The following TMEM132D variants were observed in gnomAD, a reference collection of about 807,000 sequenced individuals.
TMEM132D encodes mature OL transmembrane protein.
Under a neutral mutation model 62.3 loss-of-function variants are expected in TMEM132D, and 21 were observed. That is an observed-to-expected ratio of 0.34 (90% CI 0.24 to 0.49). The LOEUF (loss-of-function observed/expected upper bound fraction) is 0.49, where lower values mean the gene tolerates loss of function less well. Among genes scored for constraint, TMEM132D ranks in the 20% least tolerant of loss-of-function variants. TMEM132D has a pLI of 0.99. For synonymous variants in TMEM132D, 621 were observed against 575.6 expected (o/e 1.08, Z -1.13); for missense variants, 1,346 against 1,402.8 (o/e 0.96, Z 0.65).
intron 1 of TMEM132D, among the ~76,000 whole-genome samples, chr12:129,838,933 G>A (rs1394318935): frequency 1.3e-5 from 2 of 150,244 alleles, no homozygotes; most frequent in Non-Finnish European, 3.0e-5. Context: ...TTAAGAATAG[G>A]AACTTTTAAA....
intron 3 of TMEM132D, among the ~76,000 whole-genome samples, chr12:129,350,809 C>G (rs900838941): frequency 6.6e-6 from 1 of 152,324 alleles, no homozygotes; most frequent in Middle Eastern, 3.4e-3. Context: ...CATAGCCACA[C>G]GGGCCTTAGC....
intron 4 of TMEM132D, among the ~76,000 whole-genome samples, chr12:129,252,025 C>T (rs1452387302): frequency 6.6e-6 from 1 of 152,120 alleles, no homozygotes; most frequent in Non-Finnish European, 1.5e-5. Context: ...TGAGACATTG[C>T]ATTTGGGGAC....
At chr12:129,886,170 T>C (rs1490526223) in intron 1 of TMEM132D, among the ~76,000 whole-genome samples, 1 of 152,242 alleles carries the variant, frequency 6.6e-6, no homozygotes, top group African/African-American at 2.4e-5. Flanking sequence ...CCTTTTAAGA[T>C]AAAAAGTATT....
At chr12:129,222,577 C>T (rs572923393) in intron 4 of TMEM132D, among the ~76,000 whole-genome samples, 1 of 152,268 alleles carries the variant, frequency 6.6e-6, no homozygotes, top group East Asian at 1.9e-4. Context: ...TCTCCTTTCT[C>T]AGGCAATATG....
intron 3 of TMEM132D, among the ~76,000 whole-genome samples, chr12:129,510,142 C>G (rs1042968661): frequency 1.3e-5 from 2 of 152,036 alleles, no homozygotes; most frequent in Admixed American, 1.3e-4. Context: ...ATTATTGCCT[C>G]TCTTTGGGAT....
At chr12:129,484,699 T>A (rs1874531877) in intron 3 of TMEM132D, among the ~76,000 whole-genome samples, 1 of 152,242 alleles carries the variant, frequency 6.6e-6, no homozygotes, top group South Asian at 2.1e-4. Flanking sequence ...AGAGGCAGTT[T>A]AGCCTTCTCA....
At chr12:129,478,011 C>A (rs1315594535) in intron 3 of TMEM132D, among the ~76,000 whole-genome samples, 1 of 152,126 alleles carries the variant, frequency 6.6e-6, no homozygotes, top group Non-Finnish European at 1.5e-5. Flanking sequence ...TACCACACAC[C>A]TAGCCTATGG....
At chr12:129,640,392 G>A (rs373808533) in intron 2 of TMEM132D, among the ~76,000 whole-genome samples, 247 of 152,236 alleles carry the variant, frequency 1.6e-3, no homozygotes, top group African/African-American at 5.7e-3. Flanking sequence ...CATAAGAATG[G>A]GATGCTTCTT....
At chr12:129,690,438 T>C (rs1239348048) in intron 2 of TMEM132D, among the ~76,000 whole-genome samples, 1 of 152,158 alleles carries the variant, frequency 6.6e-6, no homozygotes, top group South Asian at 2.1e-4. Flanking sequence ...GATTTGCCTA[T>C]ATGATATTTA....
chr12:129,811,542 G>C (rs1466942273), intron 1 of TMEM132D, among the ~76,000 whole-genome samples: 1 of 151,728 alleles, frequency 6.6e-6, no homozygotes, highest in African/African-American at 2.4e-5. Flanking sequence ...CTCCAAGAAG[G>C]CTCCTGACCA....
At position 129,074,083 on chromosome 12, in the gene TMEM132D, T is replaced by G. The variant is rs1269055645; in HGVS notation, c.3092A>C (p.Lys1031Thr). ...GPIIIDGKDQ[K>T]SEPPTSPTSK... The stretch of plus-strand genomic sequence containing the variant: ...GGTAGGGGATGTTGGGGGCTCACTT[T>G]TCTGATCTTTCCCATCAATGATGAT... Residue 1031 changes from lysine to threonine, a missense_variant, in exon 9 of 9, where the codon AAA becomes ACA. Transcript: ENST00000422113. 1 of 1,614,130 alleles carries G rather than the reference T, an allele frequency of 6.2e-7. No individual in the cohort carries two copies. Among genetic ancestry groups the G allele is most frequent in the East Asian group, 2.2e-5 (1 of 44,876 alleles).
chr12:129,530,982 C>T (rs895934931), intron 3 of TMEM132D, 77 bp downstream of exon 3: 58 of 1,200,698 alleles, frequency 4.8e-5, no homozygotes, highest in Non-Finnish European at 6.5e-5. Flanking sequence ...TGGTTGTTAG[C>T]AATCTAGGAA....
chr12:129,697,893 A>G (rs1881243931), intron 2 of TMEM132D, among the ~76,000 whole-genome samples: 2 of 150,950 alleles, frequency 1.3e-5, no homozygotes, highest in Non-Finnish European at 2.9e-5. Context: ...TGCTACACAC[A>G]TCACTGCTTA....
chr12:129,390,166 T>C (rs1266861506), intron 3 of TMEM132D, among the ~76,000 whole-genome samples: 1 of 152,242 alleles, frequency 6.6e-6, no homozygotes, highest in East Asian at 1.9e-4. Context: ...CTGTAGATCA[T>C]GGTCTACACC....
chr12:129,275,539 T>G (rs1460355114), intron 4 of TMEM132D, among the ~76,000 whole-genome samples: 1 of 152,168 alleles, frequency 6.6e-6, no homozygotes, highest in Non-Finnish European at 1.5e-5. Context: ...TCAGGAAACT[T>G]CATATCCCCT....
intron 4 of TMEM132D, among the ~76,000 whole-genome samples, chr12:129,236,158 G>C (rs1047010908): frequency 8.7e-5 from 1 of 11,488 alleles, no homozygotes; most frequent in Non-Finnish European, 2.3e-4. Context: ...GTGTGTATGA[G>C]AGAGAGAGAG....
chr12:129,852,181 G>A (rs977154524), intron 1 of TMEM132D: 1 of 152,252 alleles, frequency 6.6e-6, no homozygotes, highest in African/African-American at 2.4e-5. Context: ...TGGGGAGGGG[G>A]AGAGAGGATG....
At chr12:129,587,578 T>C (rs771304741) in intron 2 of TMEM132D, among the ~76,000 whole-genome samples, 38 of 152,056 alleles carry the variant, frequency 2.5e-4, no homozygotes, top group Non-Finnish European at 8.8e-5. Context: ...CCTCAGGAAA[T>C]GCATTCCCAA....
chr12:129,641,960 A>G (rs1364667022), intron 2 of TMEM132D, among the ~76,000 whole-genome samples: 4 of 152,082 alleles, frequency 2.6e-5, no homozygotes, highest in South Asian at 2.1e-4. Context: ...AAATTTTCCA[A>G]ATACAAACCG....
Sources: gnomAD v4.1 joint callset for allele counts (sites outside exome capture counted in the v4.1 genomes callset) on GRCh38, gnomAD v4.1.1 for gene constraint, MANE v1.5 for transcripts, NCBI Gene and HGNC (gene_info 2026-07-23, HGNC 2026-07-21) for gene names.